KDM4C: variants seen among roughly 807,000 people sequenced by gnomAD.
The protein encoded by KDM4C is lysine-specific demethylase 4C.
In KDM4C, 81 loss-of-function variants were observed where a neutral mutation model predicts 129.3. The ratio of observed to expected loss-of-function variants is 0.63; its 90% CI spans 0.52 to 0.75. KDM4C has a LOEUF of 0.75. Ranked by LOEUF, KDM4C falls within the 30% of genes least tolerant of loss-of-function variation. KDM4C has a pLI of 0.00. For synonymous variants in KDM4C, 573 were observed against 456.1 expected (o/e 1.26, Z -3.26); for missense variants, 1,457 against 1,304.0 (o/e 1.12, Z -1.81).
intron 8 of KDM4C, among the ~76,000 whole-genome samples, chr9:6,959,491 C>T (rs1165345140): frequency 6.6e-6 from 1 of 152,148 alleles, no homozygotes; most frequent in Admixed American, 6.5e-5. Flanking sequence ...GTTATCTTAG[C>T]ATAGTGCCAC....
intron 8 of KDM4C, among the ~76,000 whole-genome samples, chr9:6,931,565 A>G (rs140435838): frequency 2.3e-3 from 357 of 152,238 alleles, no homozygotes; most frequent in African/African-American, 6.9e-3. Flanking sequence ...CAGTGGTGCA[A>G]TCTTGGCTCA....
intron 17 of KDM4C, among the ~76,000 whole-genome samples, chr9:7,052,894 A>AGAGAGAGAGAGAGAGCGAGC (rs1339242817): frequency 4.7e-5 from 5 of 105,468 alleles, no homozygotes; most frequent in African/African-American, 1.7e-4. Context: ...AGAGAGAGAG[A>AGAGAGAGAGAGAGAGCGAGC]GAGAGAGCGA....
chr9:6,921,379 T>C (rs986150044), intron 8 of KDM4C, among the ~76,000 whole-genome samples: 11 of 152,228 alleles, frequency 7.2e-5, no homozygotes, highest in Admixed American at 6.5e-4. Flanking sequence ...CAGAAAGTGC[T>C]GTCAAAAGAC....
chr9:6,935,294 A>G (rs964023028), intron 8 of KDM4C, among the ~76,000 whole-genome samples: 3 of 152,132 alleles, frequency 2.0e-5, no homozygotes, highest in Non-Finnish European at 2.9e-5. Flanking sequence ...TATAATTATA[A>G]TCATATTATT....
intron 6 of KDM4C, among the ~76,000 whole-genome samples, chr9:6,882,772 TTGTGTGTGTGTGTGTG>T (rs3072026): frequency 4.0e-5 from 6 of 149,642 alleles, no homozygotes; most frequent in Non-Finnish European, 7.4e-5. Flanking sequence ...TTTTAAGCAT[TTGTGTGTGTGTGTGTG>T]TGTGTGTGTG....
chr9:7,150,671 C>T (rs1842647404), intron 19 of KDM4C, among the ~76,000 whole-genome samples: 2 of 152,216 alleles, frequency 1.3e-5, no homozygotes, highest in South Asian at 4.1e-4. Context: ...ACATTGCCTT[C>T]CTGGTCCCTC....
At chr9:6,827,610 C>T (rs1017417772) in intron 4 of KDM4C, among the ~76,000 whole-genome samples, 3 of 152,170 alleles carry the variant, frequency 2.0e-5, no homozygotes, top group South Asian at 2.1e-4. Flanking sequence ...ACAGTTTAAA[C>T]GGTTTGAGTC....
At chr9:6,980,019 T>G (rs1816490799) in intron 8 of KDM4C, among the ~76,000 whole-genome samples, 1 of 152,226 alleles carries the variant, frequency 6.6e-6, no homozygotes. Flanking sequence ...GGAGTTAATT[T>G]GCATGGAGGT....
At chr9:6,798,762 C>G (rs1256610538) in intron 2 of KDM4C, among the ~76,000 whole-genome samples, 2 of 152,240 alleles carry the variant, frequency 1.3e-5, no homozygotes, top group Non-Finnish European at 2.9e-5. Context: ...GGGTACACCT[C>G]CCAGACGGGG....
chr9:6,846,157 G>A (rs1347954463), intron 4 of KDM4C, among the ~76,000 whole-genome samples: 1 of 152,226 alleles, frequency 6.6e-6, no homozygotes, highest in Non-Finnish European at 1.5e-5. Flanking sequence ...GATGCTGAGA[G>A]AAGAGGATGA....
At chr9:6,896,991 G>A (rs1292473908) in intron 8 of KDM4C, among the ~76,000 whole-genome samples, 1 of 152,128 alleles carries the variant, frequency 6.6e-6, no homozygotes, top group South Asian at 2.1e-4. Flanking sequence ...TTAAGATTTG[G>A]GTACATTTGA....
chr9:7,026,218 A>G (rs536800297), intron 15 of KDM4C, among the ~76,000 whole-genome samples: 5 of 152,080 alleles, frequency 3.3e-5, no homozygotes, highest in African/African-American at 9.6e-5. Flanking sequence ...AAAAAAAAAA[A>G]AAAGAAACAG....
chr9:6,773,085 G>A (rs567502042), intron 1 of KDM4C, among the ~76,000 whole-genome samples: 17 of 148,932 alleles, frequency 1.1e-4, no homozygotes, highest in East Asian at 8.0e-4. Context: ...CTGCAGCCTC[G>A]ACCTCCCAGA....
At chr9:6,938,074 A>T (rs954893610) in intron 8 of KDM4C, among the ~76,000 whole-genome samples, 17 of 152,198 alleles carry the variant, frequency 1.1e-4, no homozygotes, top group African/African-American at 4.1e-4. Flanking sequence ...AATTGCTAAC[A>T]TATATCACAT....
intron 19 of KDM4C, among the ~76,000 whole-genome samples, chr9:7,164,251 T>TTG (rs1202548091): frequency 2.0e-5 from 3 of 152,198 alleles, no homozygotes; most frequent in African/African-American, 7.2e-5. Context: ...TAAAATTGTA[T>TTG]TGTGTCCTAC....
intron 5 of KDM4C, among the ~76,000 whole-genome samples, chr9:6,861,958 G>C (rs1042636781): frequency 8.5e-5 from 13 of 152,048 alleles, no homozygotes; most frequent in African/African-American, 3.1e-4. Flanking sequence ...TTTTAGTAGA[G>C]ATGGGGTTTT....
chr9:7,112,606 G>T (rs1423060018), intron 18 of KDM4C, among the ~76,000 whole-genome samples: 1 of 152,208 alleles, frequency 6.6e-6, no homozygotes, highest in Non-Finnish European at 1.5e-5. Context: ...GTCACTTTCA[G>T]TGTGCCCATC....
intron 1 of KDM4C, among the ~76,000 whole-genome samples, chr9:6,752,313 A>G (rs1043324889): frequency 1.6e-5 from 2 of 122,814 alleles, no homozygotes; most frequent in Non-Finnish European, 3.3e-5. Context: ...AGCCTGGGCG[A>G]CAGAGCGAAA....
At chr9:7,070,748 A>G (rs1251985543) in intron 17 of KDM4C, among the ~76,000 whole-genome samples, 3 of 152,222 alleles carry the variant, frequency 2.0e-5, no homozygotes, top group Non-Finnish European at 4.4e-5. Flanking sequence ...TACTGCGAAC[A>G]TTAGACATAA....
Sources: allele counts gnomAD v4.1 joint callset (sites outside exome capture counted in the v4.1 genomes callset), GRCh38; gene constraint gnomAD v4.1.1; transcripts MANE v1.5; gene names NCBI Gene and HGNC (gene_info 2026-07-23, HGNC 2026-07-21).